SHB: variants seen among roughly 807,000 people sequenced by gnomAD.
The protein encoded by SHB is SH2 domain-containing adapter protein B.
Under a neutral mutation model 52.3 loss-of-function variants are expected in SHB, and 20 were observed. The observed-to-expected ratio is 0.38, with a 90% CI of 0.27 to 0.56. The LOEUF (loss-of-function observed/expected upper bound fraction) is 0.56, where lower values mean the gene tolerates loss of function less well. SHB is among the 20% of genes least tolerant of loss of function. The probability of loss-of-function intolerance (pLI) is 0.71; values close to 1 mark genes in which losing one functional copy is unlikely to be tolerated. For missense variants in SHB, 825 were observed against 723.3 expected, an observed-to-expected ratio of 1.14 and a Z score of -1.61; for synonymous variants, 397 against 316.5, an observed-to-expected ratio of 1.25 and a Z score of -2.70.
intron 3 of SHB, among the ~76,000 whole-genome samples, chr9:37,970,633 C>T (rs987483215): frequency 2.0e-5 from 3 of 152,158 alleles, no homozygotes; most frequent in Admixed American, 6.5e-5. Flanking sequence ...CTGACCAGCA[C>T]GCTGAGGCTC....
chr9:38,025,761 T>C (rs116990615), intron 1 of SHB, among the ~76,000 whole-genome samples: 36 of 152,282 alleles, frequency 2.4e-4, no homozygotes, highest in Admixed American at 1.7e-3. Flanking sequence ...CAACACACCA[T>C]CCAGCCTGCA....
intron 5 of SHB, among the ~76,000 whole-genome samples, chr9:37,932,273 C>CA (rs56281324): frequency 6.2e-4 from 35 of 56,694 alleles, no homozygotes; most frequent in East Asian, 1.3e-3. Context: ...AACTCCATCT[C>CA]AAAAAAAAAA....
At chr9:38,040,850 T>C (rs1239418819) in intron 1 of SHB, among the ~76,000 whole-genome samples, 1 of 151,928 alleles carries the variant, frequency 6.6e-6, no homozygotes, top group African/African-American at 2.4e-5. Context: ...CATGAAAGTA[T>C]TGGAGCAGAG....
Position 38,068,380 on chromosome 9 carries a change from T to C in SHB, c.266A>G (p.Glu89Gly). The C allele has an allele frequency of 6.3e-7, 1 of 1,576,504 alleles. No homozygotes were observed. Residue 89 changes from glutamate to glycine, a missense_variant, in exon 1 of 6, where the codon GAG becomes GGG. Glu to Gly is a moderately conservative substitution (Grantham distance 98). Transcript: ENST00000377707. ...GTTGTAGGGGTCCTCGAAGTCTCGC[T>C]CCTTCTGCGCGCGGTAGGCGCGGAT... is the stretch of plus-strand genomic sequence containing the variant. ...DLIRAYRAQK[E>G]RDFEDPYNGP...
intron 1 of SHB, among the ~76,000 whole-genome samples, chr9:38,047,311 G>A (rs571798620): frequency 2.0e-5 from 3 of 152,230 alleles, no homozygotes; most frequent in Non-Finnish European, 4.4e-5. Flanking sequence ...ATAGCATACA[G>A]TAAGTGCTCA....
intron 3 of SHB, among the ~76,000 whole-genome samples, chr9:37,959,292 T>C (rs1386687863): frequency 6.6e-6 from 1 of 152,110 alleles, no homozygotes; most frequent in African/African-American, 2.4e-5. Flanking sequence ...TCAGGGAGCA[T>C]GGGACTAGCC....
chr9:37,923,856 A>C (rs1832212964), intron 5 of SHB, among the ~76,000 whole-genome samples: 1 of 152,214 alleles, frequency 6.6e-6, no homozygotes, highest in Non-Finnish European at 1.5e-5. Flanking sequence ...GCGCACAGCA[A>C]GGCAGGCTGC....
At chr9:38,002,984 T>C (rs930234734) in intron 2 of SHB, among the ~76,000 whole-genome samples, 2 of 152,194 alleles carry the variant, frequency 1.3e-5, no homozygotes, top group Non-Finnish European at 2.9e-5. Flanking sequence ...CTTGGGAATT[T>C]ACAACAAATC....
chr9:37,939,049 C>G (rs763361009), intron 5 of SHB, among the ~76,000 whole-genome samples: 10 of 152,192 alleles, frequency 6.6e-5, no homozygotes, highest in Non-Finnish European at 1.5e-4. Flanking sequence ...AATTCTACCT[C>G]CACACACCTC....
chr9:38,060,348 T>A (rs746464686), intron 1 of SHB, among the ~76,000 whole-genome samples: 49 of 152,250 alleles, frequency 3.2e-4, no homozygotes, highest in Admixed American at 1.4e-3. Context: ...CTAATTTTTG[T>A]ATTTTTAATA....
At chr9:38,064,693 C>A (rs1821938718) in intron 1 of SHB, among the ~76,000 whole-genome samples, 1 of 152,230 alleles carries the variant, frequency 6.6e-6, no homozygotes, top group Admixed American at 6.5e-5. Flanking sequence ...AGATCATGGA[C>A]AAGTCTCCTG....
chr9:37,933,230 T>A (rs1178528589), intron 5 of SHB, among the ~76,000 whole-genome samples: 1 of 152,200 alleles, frequency 6.6e-6, no homozygotes, highest in Non-Finnish European at 1.5e-5. Context: ...TAGGCCTCAG[T>A]TTCTTCATCT....
intron 3 of SHB, among the ~76,000 whole-genome samples, chr9:37,969,037 A>G (rs1400627330): frequency 6.6e-6 from 1 of 152,230 alleles, no homozygotes; most frequent in Non-Finnish European, 1.5e-5. Flanking sequence ...CCCTGACTGG[A>G]TCCATTTCAG....
rs915749751 is a variant in SHB, at chr9:38,068,758, C to T, written c.-113G>A. On this transcript the variant is annotated 5_prime_UTR_variant, in exon 1 of 6. Coordinates refer to ENST00000377707, the MANE Select transcript of SHB (RefSeq NM_003028.3). ...GCGCCCCGGCCCCGGCGGGGGGCGT[C>T]CGGGGCGCCCGCTCCCGACGCCAAG... 1.6e-5 allele frequency: 5 copies of T among 313,414 alleles called. No individual in the cohort carries two copies. The highest frequency in any genetic ancestry group is 2.4e-5 in the Non-Finnish European group (5 of 211,018). The allele number at this position is 313,414 out of a possible 1,614,324, so 19.4% of individuals were successfully genotyped here.
chr9:38,027,949 C>T (rs1396265577), intron 1 of SHB, among the ~76,000 whole-genome samples: 5 of 151,898 alleles, frequency 3.3e-5, no homozygotes, highest in African/African-American at 1.2e-4. Flanking sequence ...TGCGTTTACC[C>T]AGCTGAAGCA....
intron 1 of SHB, among the ~76,000 whole-genome samples, chr9:38,039,255 C>A (rs1821536565): frequency 1.3e-5 from 2 of 152,252 alleles, no homozygotes; most frequent in Non-Finnish European, 2.9e-5. Context: ...CAAAAAACCA[C>A]TTTTCTGATT....
intron 1 of SHB, 116 bp downstream of exon 1, chr9:38,067,813 C>T (rs1821989836): frequency 8.5e-7 from 1 of 1,173,294 alleles, no homozygotes; most frequent in Non-Finnish European, 1.1e-6. Context: ...CAGCCCCGAC[C>T]CAGGGTCCTA....
chr9:38,038,833 G>A (rs1262087708), intron 1 of SHB, among the ~76,000 whole-genome samples: 1 of 152,122 alleles, frequency 6.6e-6, no homozygotes, highest in Non-Finnish European at 1.5e-5. Flanking sequence ...GTGGGCAGGG[G>A]CCACCCCCCA....
intron 2 of SHB, among the ~76,000 whole-genome samples, chr9:37,987,151 T>A (rs1406077280): frequency 6.6e-6 from 1 of 152,158 alleles, no homozygotes; most frequent in Non-Finnish European, 1.5e-5. Flanking sequence ...GCCAGGCCCC[T>A]CCCCGCCTGA....
Sources: allele counts gnomAD v4.1 joint callset (sites outside exome capture counted in the v4.1 genomes callset), GRCh38; gene constraint gnomAD v4.1.1; transcripts MANE v1.5; gene names NCBI Gene and HGNC (gene_info 2026-07-23, HGNC 2026-07-21).